Variants in LRRC53 observed in about 807,000 individuals in gnomAD.
LRRC53 encodes leucine-rich repeat-containing protein 53.
A neutral mutation model predicts 13.6 loss-of-function variants in LRRC53; 25 were observed. The observed-to-expected ratio is 1.83, with a 90% CI of 1.34 to 2.56. The LOEUF (loss-of-function observed/expected upper bound fraction) is 2.56. Among genes scored for constraint, LRRC53 ranks in the 30% most tolerant of loss-of-function variants. The pLI is 0.00. For missense variants in LRRC53, 527 were observed against 275.8 expected (o/e 1.91, Z -6.45); for synonymous variants, 204 against 109.8 (o/e 1.86, Z -5.37).
chr1:74,506,956 T>A, intron 1 of LRRC53, among the ~76,000 whole-genome samples: 1 of 152,184 alleles, frequency 6.6e-6, no homozygotes, highest in Non-Finnish European at 1.5e-5. Context: ...AATAAGTTTC[T>A]TGAGGGGGAG....
intron 1 of LRRC53, chr1:74,492,042 G>A (rs1669104419): frequency 2.9e-6 from 4 of 1,386,024 alleles, no homozygotes; most frequent in Non-Finnish European, 3.8e-6. Context: ...TTTATGTTAT[G>A]TCTTCACACC....
intron 1 of LRRC53, among the ~76,000 whole-genome samples, chr1:74,495,099 C>T (rs1274937344): frequency 6.6e-6 from 1 of 152,200 alleles, no homozygotes; most frequent in Non-Finnish European, 1.5e-5. Context: ...TTGATATTCT[C>T]ATAAAGTGTT....
chr1:74,475,348 T>G lies in LRRC53; in HGVS notation c.1367A>C (p.Glu456Ala), dbSNP rs749810144. The G allele has an allele frequency of 2.4e-5, 17 of 713,950 alleles. No individual in the cohort carries two copies. The highest frequency in any genetic ancestry group is 2.1e-4 in the African/African-American group (12 of 56,948). The allele number at this position is 713,950 out of a possible 1,614,324, so 44.2% of individuals were successfully genotyped here. The stretch of plus-strand genomic sequence containing the variant: ...AGTTTGAGGCTGGACTTCTCCAGGC[T>G]CAAGATTCCATAGCTTTTGAACTTT... The part of the protein sequence containing the change: ...PRKVQKLWNL[E>A]PGEVQPQTLQ... Residue 456 changes from glutamate (E) to alanine (A), a missense_variant, in exon 4 of 5, where the codon GAG (glutamate) becomes GCG (alanine). Coordinates refer to ENST00000294635, the MANE Select transcript of LRRC53 (RefSeq NM_001382280.1).
At chr1:74,516,104 G>C (rs138757356), upstream of LRRC53, among the ~76,000 whole-genome samples, 22 of 152,310 alleles carry the variant, frequency 1.4e-4, no homozygotes, top group East Asian at 3.7e-3. Flanking sequence ...GGCTGAGAAT[G>C]TAGGTCTGAA....
rs1374658260 is a variant in LRRC53, at chr1:74,483,281, G to A, written c.69C>T (p.His23=). The change falls in exon 2 of 5, where the codon CAC becomes CAT. Residue 23 remains histidine, a synonymous_variant. Transcript: ENST00000294635. ...VVCTKDVTLC[H]QLTYIVAAPM... is the part of the protein sequence containing the mutation. ...TATTACCTACTATATAGGTTAGCTG[G>A]TGACAGAGGGTTACATCTTTGGTGC... The A allele has an allele frequency of 1.4e-6, 1 of 717,434 alleles. No homozygotes were observed. Among genetic ancestry groups the A allele is most frequent in the South Asian group, 1.5e-5 (1 of 67,590 alleles). 44.4% of individuals were successfully genotyped at this position (717,434 alleles called of 1,614,324 possible).
chr1:74,479,688 T>A (rs1668381600), intron 3 of LRRC53, among the ~76,000 whole-genome samples: 1 of 152,214 alleles, frequency 6.6e-6, no homozygotes, highest in African/African-American at 2.4e-5. Flanking sequence ...GCCCTCTGAC[T>A]CTTACTATAC....
At chr1:74,493,534 A>T (rs1669179111) in intron 1 of LRRC53, among the ~76,000 whole-genome samples, 3 of 152,242 alleles carry the variant, frequency 2.0e-5, no homozygotes. Context: ...AGTTTCAAAG[A>T]GAAATATATC....
chr1:74,481,341 G>A (rs923964441), intron 2 of LRRC53, among the ~76,000 whole-genome samples: 6 of 152,140 alleles, frequency 3.9e-5, no homozygotes, highest in African/African-American at 1.4e-4. Context: ...TGCAGATCCA[G>A]GACAGAATCA....
In LRRC53 at chr1:74,471,930, C is replaced by T. The variant is rs1667951416; in HGVS notation, c.1692G>A (p.Arg564=). 6.0e-6 allele frequency: 3 copies of T among 503,170 alleles called. No homozygotes were observed. The highest frequency in any genetic ancestry group is 1.1e-5 in the Non-Finnish European group (3 of 282,690). 31.2% of individuals were successfully genotyped at this position (503,170 alleles called of 1,614,324 possible). Residue 564 remains arginine, a synonymous_variant, in exon 5 of 5, where the codon AGG becomes AGA. Transcript: ENST00000294635. ...TAAGAGAATTGTTTGGCTGAAAATA[C>T]CTAGGTTTGCTCTGTTTTAACAGTC... The part of the protein sequence containing the change: ...PCGLLKQSKP[R]YFQPNNSLIC...
chr1:74,497,138 T>G (rs897286234), intron 1 of LRRC53, among the ~76,000 whole-genome samples: 2 of 152,172 alleles, frequency 1.3e-5, no homozygotes, highest in Non-Finnish European at 2.9e-5. Context: ...TTATAAAATT[T>G]TAATTTACTC....
At chr1:74,489,564 T>C (rs989764770) in intron 1 of LRRC53, among the ~76,000 whole-genome samples, 1 of 152,252 alleles carries the variant, frequency 6.6e-6, no homozygotes, top group Non-Finnish European at 1.5e-5. Context: ...AATTATTTAA[T>C]CAATTTTTAT....
intron 1 of LRRC53, among the ~76,000 whole-genome samples, chr1:74,491,024 G>T (rs1173926438): frequency 6.6e-6 from 1 of 152,162 alleles, no homozygotes; most frequent in Non-Finnish European, 1.5e-5. Flanking sequence ...GATTAGTCTT[G>T]TTCTGAAATG....
At chr1:74,479,898 A>G (rs903494434) in intron 3 of LRRC53, among the ~76,000 whole-genome samples, 4 of 152,256 alleles carry the variant, frequency 2.6e-5, no homozygotes, top group African/African-American at 9.6e-5. Flanking sequence ...GTTCAAGGTC[A>G]CCAATGCTAT....
chr1:74,481,101 A>T lies in LRRC53; in HGVS notation c.89-133T>A, dbSNP rs1033188082. ...GTAAAAACAATAAACAATACAAAAA[A>T]TGAAAATGATTTTCTGATTTCCAAA... On this transcript the variant is annotated intron_variant, in intron 2 of 4. Coordinates refer to ENST00000294635, the MANE Select transcript of LRRC53 (RefSeq NM_001382280.1). The T allele has an allele frequency of 1.7e-5, 10 of 572,736 alleles. No individual in the cohort carries two copies. The African/African-American group carries it at 1.9e-4, about 11-fold the overall frequency. 35.5% of individuals were successfully genotyped at this position (572,736 alleles called of 1,614,324 possible). A position where few individuals can be genotyped will look rare whatever the true frequency, so the allele number is the denominator to read the frequency against.
chr1:74,501,005 A>G (rs1375731415), intron 1 of LRRC53, among the ~76,000 whole-genome samples: 1 of 152,116 alleles, frequency 6.6e-6, no homozygotes, highest in African/African-American at 2.4e-5. Flanking sequence ...GAAAATTGAC[A>G]TCTTTCATAA....
At chr1:74,477,643 T>C (rs1214948136) in intron 3 of LRRC53, among the ~76,000 whole-genome samples, 1 of 152,218 alleles carries the variant, frequency 6.6e-6, no homozygotes, top group African/African-American at 2.4e-5. Flanking sequence ...CCTCTAATTG[T>C]GTCTGAATGG....
At chr1:74,494,820 C>T (rs1669247250) in intron 1 of LRRC53, among the ~76,000 whole-genome samples, 2 of 152,128 alleles carry the variant, frequency 1.3e-5, no homozygotes. Context: ...GTACTATTGT[C>T]ATAGCAGTGA....
chr1:74,525,758 T>C, the LRRC53 span, among the ~76,000 whole-genome samples: 1 of 152,056 alleles, frequency 6.6e-6, no homozygotes. Flanking sequence ...ACAGTCATGG[T>C]CTTGTCAATA....
At chr1:74,478,694 T>C (rs1030676622) in intron 3 of LRRC53, among the ~76,000 whole-genome samples, 5 of 152,242 alleles carry the variant, frequency 3.3e-5, no homozygotes, top group African/African-American at 9.6e-5. Flanking sequence ...CTGTTTCACT[T>C]TGCTTAACTT....
Sources: allele counts gnomAD v4.1 joint callset (sites outside exome capture counted in the v4.1 genomes callset), GRCh38; gene constraint gnomAD v4.1.1; transcripts MANE v1.5; gene names NCBI Gene and HGNC (gene_info 2026-07-23, HGNC 2026-07-21).